The following ANLN variants were observed in gnomAD, a reference collection of about 807,000 sequenced individuals.
ANLN encodes anillin.
ANLN carries 59 observed loss-of-function variants against 135.1 expected under a neutral mutation model. The ratio of observed to expected loss-of-function variants is 0.44; its 90% CI spans 0.35 to 0.54. The LOEUF is 0.54. ANLN is among the 20% of genes least tolerant of loss of function. The pLI, the probability that ANLN is intolerant of heterozygous loss-of-function variation, is 0.00. For missense variants in ANLN, 1,182 were observed against 1,340.0 expected, an observed-to-expected ratio of 0.88 and a Z score of 1.84; for synonymous variants, 406 against 456.4, an observed-to-expected ratio of 0.89 and a Z score of 1.41.
Position 36,439,430 on chromosome 7 carries a change from A to G in ANLN, c.2970+140A>G, listed in dbSNP as rs540983782. 1.3e-4 allele frequency: 77 copies of G among 583,328 alleles called. No individual in the cohort carries two copies. In the South Asian group the frequency reaches 1.6e-3, roughly 12 times the overall value. 36.1% of individuals were successfully genotyped at this position (583,328 alleles called of 1,614,324 possible). A position where few individuals can be genotyped will look rare whatever the true frequency, so the allele number is the denominator to read the frequency against. ...TTTGTTTTATGTCCTTTATATGCCA[A>G]TCACTGTGCTGCCATTGGAATGTAA... On this transcript the variant is annotated intron_variant, in intron 21 of 23. Coordinates refer to ENST00000265748, the MANE Select transcript of ANLN (RefSeq NM_018685.5).
chr7:36,434,774 G>A (rs1972572), intron 20 of ANLN, among the ~76,000 whole-genome samples: 35,397 of 152,026 alleles, frequency 0.23, 4,255 homozygotes, highest in East Asian at 0.41. Context: ...GCTGAGGCAC[G>A]AGAATTGCTT....
At chr7:36,398,083 T>G (rs1786783413) in intron 2 of ANLN, among the ~76,000 whole-genome samples, 1 of 152,230 alleles carries the variant, frequency 6.6e-6, no homozygotes, top group Non-Finnish European at 1.5e-5. Context: ...TGACCTCATA[T>G]GAAATGTACC....
At chr7:36,415,962 C>T in intron 8 of ANLN, 78 bp downstream of exon 8, 1 of 1,282,578 alleles carries the variant, frequency 7.8e-7, no homozygotes, top group Non-Finnish European at 1.1e-6. Flanking sequence ...TATTCTGTAA[C>T]TTTGCTGGAT....
In ANLN at chr7:36,419,491, CT is replaced by C; in HGVS notation, c.1869+13del. ...TGGTAAGTCCAGAGGTAAGAAAAGG[CT>C]AACTAAACAGGCCCAGGACATAAGT... On this transcript the variant is annotated intron_variant, in intron 10 of 23. Coordinates refer to ENST00000265748, the MANE Select transcript of ANLN (RefSeq NM_018685.5). 6.2e-7 allele frequency: 1 copy of C among 1,605,642 alleles called. No individual in the cohort carries two copies. The highest frequency in any genetic ancestry group is 1.3e-5 in the African/African-American group (1 of 74,914).
intron 3 of ANLN, chr7:36,403,411 G>A (rs1177062502): frequency 6.6e-6 from 1 of 152,240 alleles, no homozygotes; most frequent in Admixed American, 6.5e-5. Context: ...GCAAGACTGT[G>A]AAGGATAAGC....
At chr7:36,391,656 A>G (rs1480357806) in intron 1 of ANLN, among the ~76,000 whole-genome samples, 2 of 152,220 alleles carry the variant, frequency 1.3e-5, no homozygotes, top group Non-Finnish European at 2.9e-5. Context: ...ACAGTTGTCT[A>G]TCAACTGAAA....
intron 8 of ANLN, 103 bp downstream of exon 8, chr7:36,415,987 GT>G: frequency 1.0e-6 from 1 of 1,002,884 alleles, no homozygotes; most frequent in Non-Finnish European, 1.4e-6. Context: ...TTGTTCTAAC[GT>G]TTTTTGGGGG....
chr7:36,419,227 A>G lies in ANLN; in HGVS notation c.1634-17A>G, dbSNP rs763047458. 1 of 1,568,938 alleles carries G rather than the reference A, an allele frequency of 6.4e-7. No individual in the cohort carries two copies. Among genetic ancestry groups the G allele is most frequent in the Non-Finnish European group, 8.8e-7 (1 of 1,139,590 alleles). On this transcript the variant is annotated splice_polypyrimidine_tract_variant and intron_variant, in intron 9 of 23. Transcript: ENST00000265748. ...AATATCTGAGTCACAGTGTCCACCT[A>G]TTGAAATATTTTTCAGAAGTGATAC...
chr7:36,410,279 ATTTT>A (rs1182178127), intron 5 of ANLN, among the ~76,000 whole-genome samples: 5 of 145,940 alleles, frequency 3.4e-5, no homozygotes, highest in Non-Finnish European at 6.0e-5. Flanking sequence ...CCTTTTCAAA[ATTTT>A]TTTTTTTTTT....
intron 21 of ANLN, 107 bp downstream of exon 21, chr7:36,439,397 A>C (rs939009031): frequency 1.5e-5 from 10 of 685,210 alleles, no homozygotes; most frequent in Non-Finnish European, 2.4e-5. Flanking sequence ...AAGTTGGTTC[A>C]GTAAAGATTT....
intron 3 of ANLN, 143 bp from the exon 4 acceptor site, chr7:36,406,038 G>T: frequency 1.8e-6 from 1 of 562,100 alleles, no homozygotes; most frequent in Admixed American, 3.9e-5. Flanking sequence ...AAATAACTTG[G>T]AAGTTTCATG....
intron 11 of ANLN, 48 bp downstream of exon 11, chr7:36,420,362 G>C (rs1293505687): frequency 6.3e-7 from 1 of 1,589,802 alleles, no homozygotes; most frequent in African/African-American, 1.4e-5. Flanking sequence ...TCATGGTTTA[G>C]ATTGACATAA....
At chr7:36,420,976 G>A (rs543173203) in intron 12 of ANLN, among the ~76,000 whole-genome samples, 1 of 152,138 alleles carries the variant, frequency 6.6e-6, no homozygotes, top group South Asian at 2.1e-4. Flanking sequence ...TTTTAAACAA[G>A]TTTTTCATAA....
chr7:36,412,627 C>T (rs1471989130), intron 7 of ANLN, among the ~76,000 whole-genome samples: 6 of 152,018 alleles, frequency 3.9e-5, no homozygotes, highest in Non-Finnish European at 7.4e-5. Context: ...CACACCCAGC[C>T]GAGAAATATT....
chr7:36,405,049 C>T (rs976607287), intron 3 of ANLN, among the ~76,000 whole-genome samples: 3 of 152,270 alleles, frequency 2.0e-5, no homozygotes, highest in Admixed American at 6.5e-5. Context: ...CACATATTGA[C>T]GTTTTGATCA....
chr7:36,411,135 A>G lies in ANLN; in HGVS notation c.1364A>G (p.Asn455Ser). ...GNIWSAEKGG[N>S]SKSKQLETKQ... ...ATATGGAGTGCAGAAAAAGGCGGAA[A>G]CTCAAAAAGCAAACAACTAGAAACC... The change falls in exon 7 of 24, where the codon AAC becomes AGC. Residue 455 changes from asparagine to serine, a missense_variant. Coordinates refer to ENST00000265748, the MANE Select transcript of ANLN (RefSeq NM_018685.5). The G allele has an allele frequency of 1.2e-6, 2 of 1,608,626 alleles. No homozygotes were observed. Among genetic ancestry groups the G allele is most frequent in the Non-Finnish European group, 1.7e-6 (2 of 1,178,920 alleles).
At chr7:36,422,857 C>T in intron 14 of ANLN, 48 bp downstream of exon 14, 2 of 1,520,828 alleles carry the variant, frequency 1.3e-6, no homozygotes, top group Non-Finnish European at 1.8e-6. Flanking sequence ...TGAACCTCAC[C>T]TAGATTGAAT....
chr7:36,421,893 A>T lies in ANLN; in HGVS notation c.2200A>T (p.Ile734Phe), dbSNP rs753786481. 6.2e-7 allele frequency: 1 copy of T among 1,613,360 alleles called. No individual in the cohort carries two copies. The highest frequency in any genetic ancestry group is 8.5e-7 in the Non-Finnish European group (1 of 1,179,614). The change falls in exon 13 of 24, where the codon ATC (isoleucine) becomes TTC (phenylalanine). Residue 734 changes from isoleucine to phenylalanine, a missense_variant. This residue lies in a region of ANLN where 1,022 missense variants were observed against 1,134.0 expected (regional missense o/e 0.90). Coordinates refer to ENST00000265748, the MANE Select transcript of ANLN (RefSeq NM_018685.5). ...NNEINMQQTV[I>F]YQASQALNCC... The stretch of plus-strand genomic sequence containing the variant: ...CGAAATAAATATGCAACAGACAGTG[A>T]TCTATCAAGCTAGCCAGGCTCTTAA...
At chr7:36,415,709 AATAT>A (rs1330580628) in intron 7 of ANLN, 45 bp from the exon 8 acceptor site, 7 of 1,509,248 alleles carry the variant, frequency 4.6e-6, no homozygotes, top group Admixed American at 2.3e-5. Context: ...AGAAAGATAA[AATAT>A]ATAGTTTTGA....
Sources: allele counts gnomAD v4.1 joint callset (sites outside exome capture counted in the v4.1 genomes callset), GRCh38; gene constraint gnomAD v4.1.1; regional missense constraint gnomAD v4.1.1; transcripts MANE v1.5; gene names NCBI Gene and HGNC (gene_info 2026-07-23, HGNC 2026-07-21).